Variants in CCDC73 observed in about 807,000 individuals in gnomAD.
The protein encoded by CCDC73 is coiled-coil domain containing 73.
In CCDC73, 95 loss-of-function variants were observed where a neutral mutation model predicts 116.5. The observed-to-expected ratio is 0.82, with a 90% CI of 0.69 to 0.97. CCDC73 has a LOEUF of 0.97. Among genes scored for constraint, CCDC73 ranks in the 50% least tolerant of loss-of-function variants. The pLI is 0.00. For synonymous variants in CCDC73, 398 were observed against 401.3 expected (o/e 0.99, Z 0.10); for missense variants, 1,066 against 1,206.8 (o/e 0.88, Z 1.73).
chr11:32,736,725 G>C (rs997005341), intron 2 of CCDC73, among the ~76,000 whole-genome samples: 2 of 151,576 alleles, frequency 1.3e-5, no homozygotes, highest in Non-Finnish European at 2.9e-5. Context: ...TGTTTATTGC[G>C]GCACTATTCA....
chr11:32,827,591 T>C, the CCDC73 span, among the ~76,000 whole-genome samples: 6 of 152,338 alleles, frequency 3.9e-5, no homozygotes, highest in South Asian at 2.1e-4. Context: ...CATTTGACCA[T>C]TGGCCTCTCC....
At chr11:32,718,203 G>C in intron 2 of CCDC73, 56 bp from the exon 3 acceptor site, 1 of 1,191,028 alleles carries the variant, frequency 8.4e-7, no homozygotes, top group Non-Finnish European at 1.2e-6. Context: ...AAAACTTCCA[G>C]TTTCAGCTCT....
At chr11:32,802,069 A>G in the CCDC73 span, among the ~76,000 whole-genome samples, 1 of 152,226 alleles carries the variant, frequency 6.6e-6, no homozygotes, top group African/African-American at 2.4e-5. Context: ...ATATCTGTTA[A>G]TCATATGCAA....
At chr11:32,764,921 C>A (rs1343716131) in intron 1 of CCDC73, among the ~76,000 whole-genome samples, 1 of 152,088 alleles carries the variant, frequency 6.6e-6, no homozygotes, top group African/African-American at 2.4e-5. Flanking sequence ...GGAGGAAGAT[C>A]TACCAAGCAA....
the CCDC73 span, among the ~76,000 whole-genome samples, chr11:32,803,904 T>C: frequency 6.6e-6 from 1 of 151,982 alleles, no homozygotes; most frequent in African/African-American, 2.4e-5. Flanking sequence ...CATCCCAGGT[T>C]CAAGCGATTC....
chr11:32,776,940 T>A (rs1269386504), intron 1 of CCDC73, among the ~76,000 whole-genome samples: 8,173 of 33,658 alleles, frequency 0.24, 319 homozygotes, highest in Non-Finnish European at 0.29. Flanking sequence ...AAAAAAAATA[T>A]ATATATATAT....
At chr11:32,808,467 A>G in the CCDC73 span, among the ~76,000 whole-genome samples, 2 of 152,036 alleles carry the variant, frequency 1.3e-5, no homozygotes, top group Admixed American at 1.3e-4. Context: ...GGTGAAACCC[A>G]GTCTTTACTA....
chr11:32,821,237 G>C, the CCDC73 span, among the ~76,000 whole-genome samples: 2 of 152,098 alleles, frequency 1.3e-5, no homozygotes, highest in African/African-American at 2.4e-5. Context: ...AGTAAGATGT[G>C]AGAGTGGCAA....
In CCDC73 at chr11:32,614,567, G is replaced by C. The variant is rs1299068300; in HGVS notation, c.1751C>G (p.Ala584Gly). The C allele has an allele frequency of 6.2e-7, 1 of 1,611,784 alleles. No individual in the cohort carries two copies. Among genetic ancestry groups the C allele is most frequent in the Non-Finnish European group, 8.5e-7 (1 of 1,178,510 alleles). Residue 584 changes from alanine to glycine, a missense_variant, in exon 16 of 18, where the codon GCA (alanine) becomes GGA (glycine). Ala to Gly is a moderately conservative substitution (Grantham distance 60, BLOSUM62 0). Transcript: ENST00000335185. The stretch of plus-strand genomic sequence containing the variant: ...ATTATTATTGTGATATGTATTGTGT[G>C]CTGTCTCATTTAAAATACTGTTAAA... The part of the protein sequence containing the change: ...TSFNSILNET[A>G]HNTYHNNNKD...
chr11:32,793,484 T>G (rs551555108), intron 1 of CCDC73, among the ~76,000 whole-genome samples: 1 of 152,370 alleles, frequency 6.6e-6, no homozygotes, highest in South Asian at 2.1e-4. Flanking sequence ...CCGTGGAATC[T>G]TCACATTTTC....
At chr11:32,621,184 T>G (rs1207762416) in intron 14 of CCDC73, among the ~76,000 whole-genome samples, 1 of 152,098 alleles carries the variant, frequency 6.6e-6, no homozygotes, top group Non-Finnish European at 1.5e-5. Context: ...TTAAAATGCA[T>G]ATGGAACCAA....
At chr11:32,609,369 T>C (rs1414412755) in intron 17 of CCDC73, among the ~76,000 whole-genome samples, 1 of 152,202 alleles carries the variant, frequency 6.6e-6, no homozygotes, top group Non-Finnish European at 1.5e-5. Flanking sequence ...GGCAAAATGC[T>C]ACCAATTTCT....
At chr11:32,645,174 G>T (rs1036487510) in intron 12 of CCDC73, among the ~76,000 whole-genome samples, 1 of 151,814 alleles carries the variant, frequency 6.6e-6, no homozygotes, top group Non-Finnish European at 1.5e-5. Context: ...AAATCTTCAG[G>T]GACAGTAATA....
chr11:32,700,381 T>A (rs1849801331), intron 5 of CCDC73, among the ~76,000 whole-genome samples: 1 of 152,228 alleles, frequency 6.6e-6, no homozygotes, highest in Admixed American at 6.5e-5. Context: ...TGCACCCAGT[T>A]GCAAGTCATT....
In CCDC73 at chr11:32,718,061, A is replaced by C; in HGVS notation, c.207+15T>G. The C allele has an allele frequency of 6.3e-7, 1 of 1,575,702 alleles. No homozygotes were observed. The highest frequency in any genetic ancestry group is 8.7e-7 in the Non-Finnish European group (1 of 1,151,826). On this transcript the variant is annotated intron_variant, in intron 3 of 17. Coordinates refer to ENST00000335185, the MANE Select transcript of CCDC73 (RefSeq NM_001008391.4). ...AGATTTGGCTGGGGACACAAAGCCT[A>C]ATCATATTACTCACCTTTTGCCATT...
At chr11:32,694,844 A>G (rs1331904790) in intron 6 of CCDC73, among the ~76,000 whole-genome samples, 1 of 152,168 alleles carries the variant, frequency 6.6e-6, no homozygotes, top group African/African-American at 2.4e-5. Context: ...TAGGTGCCTC[A>G]TGTCACTAAG....
chr11:32,807,597 CT>C, the CCDC73 span, among the ~76,000 whole-genome samples: 30 of 148,826 alleles, frequency 2.0e-4, no homozygotes, highest in South Asian at 2.1e-4. Flanking sequence ...TTTTTGGCAA[CT>C]TTTTTTTTTT....
At chr11:32,625,257 T>C (rs1042415546) in intron 14 of CCDC73, among the ~76,000 whole-genome samples, 3 of 152,220 alleles carry the variant, frequency 2.0e-5, no homozygotes, top group African/African-American at 7.2e-5. Flanking sequence ...TGTCTTTTAA[T>C]TGGAGTATTT....
the CCDC73 span, among the ~76,000 whole-genome samples, chr11:32,816,502 C>G: frequency 6.6e-6 from 1 of 151,990 alleles, no homozygotes; most frequent in South Asian, 2.1e-4. Context: ...AAAAAAGAGG[C>G]CTGTTCAGGA....
Sources: gnomAD v4.1 joint callset for allele counts (sites outside exome capture counted in the v4.1 genomes callset) on GRCh38, gnomAD v4.1.1 for gene constraint, MANE v1.5 for transcripts, NCBI Gene and HGNC (gene_info 2026-07-23, HGNC 2026-07-21) for gene names.